The following KIF16B variants were observed in gnomAD, a reference collection of about 807,000 sequenced individuals.
KIF16B encodes the protein kinesin-like protein KIF16B.
A neutral mutation model predicts 156.3 loss-of-function variants in KIF16B; 98 were observed. The ratio of observed to expected loss-of-function variants is 0.63; its 90% confidence interval spans 0.53 to 0.74. KIF16B has a LOEUF of 0.74. KIF16B is among the 30% of genes least tolerant of loss of function. KIF16B has a pLI of 0.00. For missense variants in KIF16B, 1,421 were observed against 1,606.5 expected, an observed-to-expected ratio of 0.88 and a Z score of 1.97; for synonymous variants, 564 against 583.7, an observed-to-expected ratio of 0.97 and a Z score of 0.49.
At chr20:16,388,241 G>C (rs1439417636) in intron 17 of KIF16B, among the ~76,000 whole-genome samples, 2 of 152,156 alleles carry the variant, frequency 1.3e-5, no homozygotes, top group Non-Finnish European at 2.9e-5. Flanking sequence ...GCAGTGATAT[G>C]AGTTGCTGCT....
intron 14 of KIF16B, 144 bp downstream of exon 14, chr20:16,428,809 A>G: frequency 1.6e-6 from 1 of 643,668 alleles, no homozygotes; most frequent in Non-Finnish European, 2.8e-6. Flanking sequence ...ACACACATAT[A>G]TATACGTACA....
rs1452204209 is a variant in KIF16B, at chr20:16,403,951, C to T, written c.1784+862G>A. On this transcript the variant is annotated intron_variant, in intron 17 of 25. Coordinates refer to ENST00000354981, the MANE Select transcript of KIF16B (RefSeq NM_024704.5). ...TGATGGAATCAGATAGACCTGGATGCATGCTTCAGCTCTGACTATGAAACT... is the reference window on the plus strand; with the variant it reads ...TGATGGAATCAGATAGACCTGGATGTATGCTTCAGCTCTGACTATGAAACT... Among the ~76,000 whole-genome samples, 5 of 152,192 alleles carry T rather than the reference C, an allele frequency of 3.3e-5. No homozygotes were observed. In the South Asian group the frequency reaches 8.3e-4, roughly 25 times the overall value.
chr20:16,511,899 C>G (rs2068966819), intron 5 of KIF16B, among the ~76,000 whole-genome samples: 1 of 152,156 alleles, frequency 6.6e-6, no homozygotes, highest in African/African-American at 2.4e-5. Context: ...GTCTGTAATA[C>G]ACTTTGGGAG....
chr20:16,416,811 T>C (rs77700168), intron 15 of KIF16B, among the ~76,000 whole-genome samples: 457 of 151,910 alleles, frequency 3.0e-3, no homozygotes, highest in African/African-American at 0.01. Flanking sequence ...TTACCATTTT[T>C]TGCCTGCAGT....
chr20:16,410,536 A>T (rs944767072), intron 15 of KIF16B, among the ~76,000 whole-genome samples: 1 of 152,028 alleles, frequency 6.6e-6, no homozygotes, highest in Non-Finnish European at 1.5e-5. Flanking sequence ...TTTATGCTTC[A>T]TATACACTTA....
chr20:16,533,880 G>C (rs2069849680), intron 1 of KIF16B, among the ~76,000 whole-genome samples: 1 of 152,000 alleles, frequency 6.6e-6, no homozygotes, highest in African/African-American at 2.4e-5. Context: ...ATCTATTTCA[G>C]AAAAGAAATT....
intron 24 of KIF16B, among the ~76,000 whole-genome samples, chr20:16,319,036 C>A (rs1305456837): frequency 2.6e-5 from 4 of 152,046 alleles, no homozygotes; most frequent in Admixed American, 6.6e-5. Context: ...CTGCGGTCTC[C>A]CTCCCAAAAA....
At chr20:16,568,386 G>A in intron 1 of KIF16B, among the ~76,000 whole-genome samples, 1 of 152,306 alleles carries the variant, frequency 6.6e-6, no homozygotes, top group South Asian at 2.1e-4. Flanking sequence ...TTTGAATAAA[G>A]TTACAATTAT....
chr20:16,479,011 T>C (rs571242039), intron 12 of KIF16B, among the ~76,000 whole-genome samples: 1 of 152,304 alleles, frequency 6.6e-6, no homozygotes, highest in East Asian at 1.9e-4. Context: ...AGAAGATTCA[T>C]GGCAGCACGA....
Position 16,312,383 on chromosome 20 carries a change from A to G in KIF16B, c.3747T>C (p.Phe1249=). The change falls in exon 25 of 26, where the codon TTT becomes TTC. Residue 1249 remains phenylalanine, a synonymous_variant. Coordinates refer to ENST00000354981, the MANE Select transcript of KIF16B (RefSeq NM_024704.5). ...AALEFPPKKL[F]GNKDERVIAE... ...CAATCACACGTTCATCCTTATTTCC[A>G]AATAGTTTCTTTGGAGGAAATTCAA... 1.2e-6 allele frequency: 2 copies of G among 1,613,604 alleles called. No individual in the cohort carries two copies. Among genetic ancestry groups the G allele is most frequent in the Non-Finnish European group, 1.7e-6 (2 of 1,179,756 alleles).
At chr20:16,546,523 A>C (rs567335813) in intron 1 of KIF16B, among the ~76,000 whole-genome samples, 1 of 152,324 alleles carries the variant, frequency 6.6e-6, no homozygotes, top group East Asian at 1.9e-4. Context: ...TCTGGTGTGG[A>C]GATTCACTTT....
chr20:16,345,933 T>C (rs1399524054), intron 23 of KIF16B, among the ~76,000 whole-genome samples: 1 of 152,180 alleles, frequency 6.6e-6, no homozygotes, highest in Non-Finnish European at 1.5e-5. Context: ...TAGGGACACT[T>C]TGGGAACGTT....
intron 12 of KIF16B, among the ~76,000 whole-genome samples, chr20:16,431,913 TACAC>T (rs74175693): frequency 1.3e-4 from 19 of 143,802 alleles, no homozygotes; most frequent in East Asian, 4.1e-4. Context: ...TGTATACGTA[TACAC>T]ACACACACAC....
At chr20:16,419,344 C>T (rs1012473254) in intron 15 of KIF16B, among the ~76,000 whole-genome samples, 25 of 152,114 alleles carry the variant, frequency 1.6e-4, no homozygotes, top group Non-Finnish European at 3.1e-4. Flanking sequence ...ACATAAAAGG[C>T]CTCCTCTGTT....
Position 16,317,555 on chromosome 20 carries a change from C to T in KIF16B, c.3712-5137G>A, listed in dbSNP as rs114224017. On this transcript the variant is annotated intron_variant, in intron 24 of 25. Coordinates refer to ENST00000354981, the MANE Select transcript of KIF16B (RefSeq NM_024704.5). ...CTCATGTTGAAAAGCGTGACTGCAC[C>T]AAAAATAATCTTTCTGCAAAACCAT... 3.6e-3 allele frequency among the ~76,000 whole-genome samples: 542 copies of T among 152,262 alleles called. 7 individuals are homozygous for T. Among genetic ancestry groups the T allele is most frequent in the African/African-American group, 0.012 (512 of 41,544 alleles).
At chr20:16,369,261 C>T (rs2064758240) in intron 22 of KIF16B, 1 of 985,656 alleles carries the variant, frequency 1.0e-6, no homozygotes, top group South Asian at 4.7e-5. Context: ...GGCAAAACTG[C>T]CTTTTCTGTT....
At chr20:16,493,868 T>C (rs2068370161) in intron 12 of KIF16B, among the ~76,000 whole-genome samples, 2 of 152,240 alleles carry the variant, frequency 1.3e-5, no homozygotes, top group Non-Finnish European at 2.9e-5. Context: ...TTCTGAAATC[T>C]AGCCGTGCTT....
intron 23 of KIF16B, among the ~76,000 whole-genome samples, chr20:16,337,502 T>C (rs895599252): frequency 6.6e-6 from 1 of 151,888 alleles, no homozygotes; most frequent in African/African-American, 2.4e-5. Context: ...TTGTGGCAGG[T>C]TTCTTATGAG....
rs532843387 is a variant in KIF16B at position 16,275,781 on chromosome 20, C to G, written c.3796-2370G>C. Among the ~76,000 whole-genome samples, 4 of 152,266 alleles carry G rather than the reference C, an allele frequency of 2.6e-5. No individual in the cohort carries two copies. In the South Asian group the frequency reaches 8.3e-4, roughly 32 times the overall value. On this transcript the variant is annotated intron_variant, in intron 25 of 25. Coordinates refer to ENST00000354981, the MANE Select transcript of KIF16B (RefSeq NM_024704.5). The stretch of plus-strand genomic sequence containing the variant: ...TTTTATCAGAGGGGCAAAGAGAGAC[C>G]TGACTTCCACTTTTCTGCGGGAAGG...
Sources: gnomAD v4.1 joint callset for allele counts (sites outside exome capture counted in the v4.1 genomes callset) on GRCh38, gnomAD v4.1.1 for gene constraint, MANE v1.5 for transcripts, NCBI Gene and HGNC (gene_info 2026-07-23, HGNC 2026-07-21) for gene names.